SEC24B: variants seen among roughly 807,000 people sequenced by gnomAD.
SEC24B encodes protein transport protein Sec24B.
A neutral mutation model predicts 142.8 loss-of-function variants in SEC24B; 45 were observed. The ratio of observed to expected loss-of-function variants is 0.32; its 90% CI spans 0.25 to 0.40. The LOEUF (loss-of-function observed/expected upper bound fraction) is 0.40. Ranked by LOEUF, SEC24B falls within the 10% of genes least tolerant of loss-of-function variation. The probability of loss-of-function intolerance (pLI) is 1.00; values close to 1 mark genes in which losing one functional copy is unlikely to be tolerated. For synonymous variants in SEC24B, 574 were observed against 568.2 expected, an observed-to-expected ratio of 1.01 and a Z score of -0.15; for missense variants, 1,409 against 1,526.8, an observed-to-expected ratio of 0.92 and a Z score of 1.29.
At chr4:109,503,735 A>T (rs1293228614) in intron 6 of SEC24B, among the ~76,000 whole-genome samples, 3 of 152,092 alleles carry the variant, frequency 2.0e-5, no homozygotes, top group Non-Finnish European at 4.4e-5. Flanking sequence ...TAAAATCAGG[A>T]AAGTATTCTA....
At chr4:109,492,831 C>T (rs951939150) in intron 5 of SEC24B, among the ~76,000 whole-genome samples, 5 of 151,524 alleles carry the variant, frequency 3.3e-5, no homozygotes, top group African/African-American at 7.3e-5. Context: ...CCTCCCTTTT[C>T]AGCCTCCCAA....
chr4:109,480,366 A>G (rs1318065507), intron 3 of SEC24B, among the ~76,000 whole-genome samples: 2 of 152,170 alleles, frequency 1.3e-5, no homozygotes, highest in Non-Finnish European at 2.9e-5. Flanking sequence ...ATGTTCTTAA[A>G]AATCCCCACT....
Position 109,494,777 on chromosome 4 carries a change from A to T in SEC24B, c.1409A>T (p.Tyr470Phe). Residue 470 changes from tyrosine to phenylalanine, a missense_variant, in exon 6 of 24, where the codon TAT (tyrosine) becomes TTT (phenylalanine). Tyr to Phe is a conservative substitution (Grantham distance 22). This residue lies in a region of SEC24B where 709 missense variants were observed against 673.5 expected (regional missense o/e 1.05). Transcript: ENST00000265175. ...GGCTATCCAACACTTCAGCCTGGTTATCAGAATGCTACAGCACCACTTATT... is the reference window on the plus strand; with the variant it reads ...GGCTATCCAACACTTCAGCCTGGTTTTCAGAATGCTACAGCACCACTTATT... ...GYGYPTLQPG[Y>F]QNATAPLISG... 6.2e-7 allele frequency: 1 copy of T among 1,614,222 alleles called. No homozygotes were observed. Among genetic ancestry groups the T allele is most frequent in the Non-Finnish European group, 8.5e-7 (1 of 1,180,036 alleles).
intron 21 of SEC24B, among the ~76,000 whole-genome samples, 171 bp from the exon 22 acceptor site, chr4:109,533,422 G>C (rs1427329372): frequency 6.6e-6 from 1 of 152,104 alleles, no homozygotes; most frequent in African/African-American, 2.4e-5. Flanking sequence ...AATCAAAGAC[G>C]ATGTGAACCA....
chr4:109,434,625 G>T (rs569303036), intron 1 of SEC24B, among the ~76,000 whole-genome samples: 19 of 152,352 alleles, frequency 1.2e-4, no homozygotes, highest in African/African-American at 4.3e-4. Context: ...ACCCAGTTCG[G>T]CCTCAAGAAC....
chr4:109,534,673 A>G (rs1263461611), intron 22 of SEC24B, among the ~76,000 whole-genome samples: 1 of 152,182 alleles, frequency 6.6e-6, no homozygotes, highest in Admixed American at 6.5e-5. Context: ...GCAAATATAA[A>G]ACATTTCTAT....
At chr4:109,437,369 A>G (rs1230958849) in intron 1 of SEC24B, among the ~76,000 whole-genome samples, 1 of 151,934 alleles carries the variant, frequency 6.6e-6, no homozygotes, top group Non-Finnish European at 1.5e-5. Flanking sequence ...CTGCAGCCTC[A>G]ACCTCCTGGG....
intron 1 of SEC24B, among the ~76,000 whole-genome samples, chr4:109,443,727 AG>A (rs1729145877): frequency 1.3e-5 from 2 of 152,194 alleles, no homozygotes; most frequent in African/African-American, 4.8e-5. Context: ...GCCTGTGAGA[AG>A]GGTGCCCAGA....
At position 109,441,157 on chromosome 4, in the gene SEC24B, G is replaced by T. The variant is rs1728894032; in HGVS notation, c.133+7155G>T. Among the ~76,000 whole-genome samples the T allele has an allele frequency of 2.0e-5, 3 of 152,178 alleles. No homozygotes were observed. The East Asian group carries it at 5.8e-4, about 29-fold the overall frequency. On this transcript the variant is annotated intron_variant, in intron 1 of 23. Transcript: ENST00000265175. ...GGTAAAATCATGTCTTGCCTAGCCA[G>T]TGGCCAAGTCTTAACTTGTTTTCCT...
intron 6 of SEC24B, among the ~76,000 whole-genome samples, chr4:109,502,417 A>G (rs1736243045): frequency 1.3e-5 from 2 of 152,342 alleles, no homozygotes; most frequent in Non-Finnish European, 2.9e-5. Flanking sequence ...CAAAATGGAA[A>G]CAGAGAGACA....
intron 22 of SEC24B, among the ~76,000 whole-genome samples, chr4:109,534,047 CTT>C (rs768037586): frequency 1.4e-4 from 20 of 141,596 alleles, no homozygotes; most frequent in Admixed American, 2.1e-4. Flanking sequence ...ATTAGTAGTT[CTT>C]TTTTTTTTTT....
At chr4:109,490,290 A>G (rs1734880778) in intron 4 of SEC24B, among the ~76,000 whole-genome samples, 4 of 150,528 alleles carry the variant, frequency 2.7e-5, no homozygotes, top group Non-Finnish European at 3.0e-5. Flanking sequence ...AACATCAGCT[A>G]TTATGCCCTG....
rs1239286929 is a variant in SEC24B at position 109,540,826 on chromosome 4, G to A, written c.*1151G>A. On this transcript the variant is annotated 3_prime_UTR_variant, in exon 24 of 24. Transcript: ENST00000265175. ...TGAACCTGGAGGCTGAGGTTGCAGTGAGCTAAGATCACGCCACTGCACTCC... is the reference window on the plus strand; with the variant it reads ...TGAACCTGGAGGCTGAGGTTGCAGTAAGCTAAGATCACGCCACTGCACTCC... 1 of 151,588 alleles carries A rather than the reference G, an allele frequency of 6.6e-6. No individual in the cohort carries two copies. Among genetic ancestry groups the A allele is most frequent in the African/African-American group, 2.4e-5 (1 of 41,204 alleles). The allele number at this position is 151,588 out of a possible 1,614,324, so 9.4% of individuals were successfully genotyped here. A position where few individuals can be genotyped will look rare whatever the true frequency, so the allele number is the denominator to read the frequency against.
intron 1 of SEC24B, among the ~76,000 whole-genome samples, chr4:109,456,325 G>GT (rs1196701325): frequency 0.03 from 2,708 of 91,220 alleles, 55 homozygotes; most frequent in Non-Finnish European, 0.037. Flanking sequence ...ATAAAGACAG[G>GT]TTTTTTTTGT....
chr4:109,449,032 G>T lies in SEC24B; in HGVS notation c.134-13869G>T, dbSNP rs566972961. The stretch of plus-strand genomic sequence containing the variant: ...TTTGAGTTTGCTGATGCTTTCTCAT[G>T]ATTAGATTGTGTGTATGAATTTTTC... On this transcript the variant is annotated intron_variant, in intron 1 of 23. Coordinates refer to ENST00000265175, the MANE Select transcript of SEC24B (RefSeq NM_006323.5). Among the ~76,000 whole-genome samples the T allele has an allele frequency of 2.6e-5, 4 of 151,878 alleles. No homozygotes were observed. The South Asian group carries it at 8.3e-4, about 32-fold the overall frequency.
At chr4:109,445,517 G>T (rs1193963294) in intron 1 of SEC24B, among the ~76,000 whole-genome samples, 1 of 151,290 alleles carries the variant, frequency 6.6e-6, no homozygotes, top group Non-Finnish European at 1.5e-5. Flanking sequence ...CTCCCAAAGT[G>T]CTGGGATTAC....
At chr4:109,493,281 G>GAA (rs11368436) in intron 5 of SEC24B, among the ~76,000 whole-genome samples, 19 of 146,336 alleles carry the variant, frequency 1.3e-4, no homozygotes, top group African/African-American at 2.9e-4. Context: ...GATTCTTCAA[G>GAA]AAAAAAAAAA....
intron 6 of SEC24B, among the ~76,000 whole-genome samples, chr4:109,505,342 A>T (rs901131798): frequency 6.6e-6 from 1 of 152,130 alleles, no homozygotes; most frequent in Non-Finnish European, 1.5e-5. Flanking sequence ...ACGTAAGGAC[A>T]AAAAGAACTA....
intron 2 of SEC24B, among the ~76,000 whole-genome samples, chr4:109,470,272 A>G (rs1209076479): frequency 6.6e-6 from 1 of 152,168 alleles, no homozygotes; most frequent in Non-Finnish European, 1.5e-5. Context: ...CAAACTATAC[A>G]TCTGTGTCAC....
Sources: allele counts gnomAD v4.1 joint callset (sites outside exome capture counted in the v4.1 genomes callset), GRCh38; gene constraint gnomAD v4.1.1; regional missense constraint gnomAD v4.1.1; transcripts MANE v1.5; gene names NCBI Gene and HGNC (gene_info 2026-07-23, HGNC 2026-07-21).